Variants in ASIC2 observed in about 807,000 individuals in gnomAD.
ASIC2 encodes the protein acid-sensing ion channel 2.
Under a neutral mutation model 57.3 loss-of-function variants are expected in ASIC2, and 25 were observed. That is an observed-to-expected ratio of 0.44 (90% CI 0.32 to 0.61). The LOEUF is 0.61. Ranked by LOEUF, ASIC2 falls within the 20% of genes least tolerant of loss-of-function variation. ASIC2 has a pLI of 0.06. For synonymous variants in ASIC2, 319 were observed against 307.5 expected, an observed-to-expected ratio of 1.04 and a Z score of -0.39; for missense variants, 641 against 738.1, an observed-to-expected ratio of 0.87 and a Z score of 1.52.
chr17:33,789,392 C>T (rs189065563), intron 1 of ASIC2, among the ~76,000 whole-genome samples: 14 of 151,774 alleles, frequency 9.2e-5, no homozygotes, highest in Admixed American at 7.2e-4. Context: ...ATTCTCCCAA[C>T]AACAAACTAC....
intron 1 of ASIC2, among the ~76,000 whole-genome samples, chr17:34,021,290 C>A (rs535760765): frequency 6.6e-6 from 1 of 152,262 alleles, no homozygotes; most frequent in East Asian, 1.9e-4. Flanking sequence ...TCACTCCCTA[C>A]CACCATCACT....
At chr17:33,874,549 T>C (rs1914505298) in intron 1 of ASIC2, among the ~76,000 whole-genome samples, 1 of 152,270 alleles carries the variant, frequency 6.6e-6, no homozygotes, top group Admixed American at 6.5e-5. Flanking sequence ...GTTCTGATAA[T>C]GGCTTAACCT....
chr17:33,646,999 C>T (rs142529515), intron 1 of ASIC2, among the ~76,000 whole-genome samples: 6 of 152,098 alleles, frequency 3.9e-5, no homozygotes, highest in Admixed American at 1.3e-4. Flanking sequence ...GTAGGTGGGA[C>T]GCACAGGAAG....
At chr17:33,237,214 A>G (rs961077628) in intron 1 of ASIC2, among the ~76,000 whole-genome samples, 9 of 152,150 alleles carry the variant, frequency 5.9e-5, no homozygotes, top group African/African-American at 2.2e-4. Context: ...AAAAGTCCCA[A>G]GTGGATGTTA....
At chr17:33,619,999 T>C (rs1905733617) in intron 1 of ASIC2, among the ~76,000 whole-genome samples, 1 of 152,158 alleles carries the variant, frequency 6.6e-6, no homozygotes, top group Non-Finnish European at 1.5e-5. Context: ...TGTGACTTTA[T>C]TGCTGTAAAT....
In ASIC2 at chr17:33,876,345, G is replaced by A. The variant is rs114637205; in HGVS notation, c.555+279633C>T. 3.7e-3 allele frequency among the ~76,000 whole-genome samples: 568 copies of A among 152,306 alleles called. 4 individuals carry two copies. The highest frequency in any genetic ancestry group is 0.013 in the African/African-American group (541 of 41,558). On this transcript the variant is annotated intron_variant, in intron 1 of 9. Coordinates refer to the ASIC2 transcript ENST00000359872. ...GACTCTCCAGACCTTGTTACTGTGG[G>A]TGCCTAGGATACCTGGTCACTTGGT...
At chr17:33,047,277 A>T (rs2091959399) in intron 3 of ASIC2, among the ~76,000 whole-genome samples, 1 of 152,040 alleles carries the variant, frequency 6.6e-6, no homozygotes, top group Non-Finnish European at 1.5e-5. Flanking sequence ...AAATGCTGCA[A>T]TCCTTGGCAT....
intron 1 of ASIC2, among the ~76,000 whole-genome samples, chr17:34,122,331 G>A (rs1015718959): frequency 6.6e-6 from 1 of 152,164 alleles, no homozygotes; most frequent in African/African-American, 2.4e-5. Context: ...CGAGGGTCCA[G>A]CCCAGGCAGC....
At chr17:33,384,425 C>A (rs2089164) in intron 1 of ASIC2, among the ~76,000 whole-genome samples, 107,839 of 152,010 alleles carry the variant, frequency 0.71, 40,860 homozygotes, top group East Asian at 0.94. Context: ...TCTTTTTTTT[C>A]TGTGAACTGA....
At chr17:33,439,867 G>A (rs991068917) in intron 1 of ASIC2, among the ~76,000 whole-genome samples, 3 of 152,222 alleles carry the variant, frequency 2.0e-5, no homozygotes, top group Admixed American at 2.0e-4. Context: ...TGCCAGGCAA[G>A]GACAAGGCAG....
chr17:34,066,334 A>C (rs1311652238), intron 1 of ASIC2, among the ~76,000 whole-genome samples: 2 of 152,190 alleles, frequency 1.3e-5, no homozygotes, highest in East Asian at 3.8e-4. Context: ...CCTTAGGTAC[A>C]CATTAGAACC....
At chr17:33,547,752 C>T (rs1915625757) in intron 1 of ASIC2, among the ~76,000 whole-genome samples, 1 of 152,214 alleles carries the variant, frequency 6.6e-6, no homozygotes, top group Non-Finnish European at 1.5e-5. Context: ...GCCCATGCTA[C>T]ACCTGCATCT....
intron 1 of ASIC2, among the ~76,000 whole-genome samples, chr17:33,624,415 A>T (rs1182379349): frequency 1.3e-5 from 2 of 152,234 alleles, no homozygotes; most frequent in African/African-American, 2.4e-5. Context: ...CAGACTGAAC[A>T]GTAGTTGGGT....
chr17:33,096,508 T>G (rs2092180253), intron 2 of ASIC2, among the ~76,000 whole-genome samples: 2 of 152,376 alleles, frequency 1.3e-5, no homozygotes, highest in Admixed American at 1.3e-4. Flanking sequence ...TTCTGATTTA[T>G]GGCATCATTT....
At position 33,561,687 on chromosome 17, in the gene ASIC2, T is replaced by C. The variant is rs1916077452; in HGVS notation, c.556-449620A>G. Among the ~76,000 whole-genome samples, 4 of 152,114 alleles carry C rather than the reference T, an allele frequency of 2.6e-5. No individual in the cohort carries two copies. The South Asian group carries it at 8.3e-4, about 32-fold the overall frequency. ...GCGTGAGCTAGAACATATGCTGGTGTGAGTTTGGATGTGTGTATTGAAAGA... is the reference window on the plus strand; with the variant it reads ...GCGTGAGCTAGAACATATGCTGGTGCGAGTTTGGATGTGTGTATTGAAAGA... On this transcript the variant is annotated intron_variant, in intron 1 of 9. Coordinates refer to the ASIC2 transcript ENST00000359872.
intron 1 of ASIC2, among the ~76,000 whole-genome samples, chr17:33,122,004 G>A (rs941180705): frequency 1.3e-5 from 2 of 152,240 alleles, no homozygotes; most frequent in African/African-American, 4.8e-5. Context: ...CACATTTGTA[G>A]TGAGCCAAGG....
rs1456145280 is a variant in ASIC2 at position 33,659,908 on chromosome 17, A to G, written c.555+496070T>C. Among the ~76,000 whole-genome samples, 3 of 144,190 alleles carry G rather than the reference A, an allele frequency of 2.1e-5. No homozygotes were observed. The East Asian group carries it at 6.1e-4, about 29-fold the overall frequency. 94.6% of individuals were successfully genotyped at this position (144,190 alleles called of 152,430 possible). A position where few individuals can be genotyped will look rare whatever the true frequency, so the allele number is the denominator to read the frequency against. On this transcript the variant is annotated intron_variant, in intron 1 of 9. Transcript: ENST00000359872. ...TAAATAAATAAATAAATAAATAAAT[A>G]AATAAATAAAATAAAAATAAAAATA...
chr17:33,333,997 CT>C (rs1308429450), intron 1 of ASIC2, among the ~76,000 whole-genome samples: 1 of 152,186 alleles, frequency 6.6e-6, no homozygotes, highest in Non-Finnish European at 1.5e-5. Flanking sequence ...CAGCCTGGGG[CT>C]GCAAAATGGA....
intron 1 of ASIC2, among the ~76,000 whole-genome samples, chr17:33,242,653 T>C (rs915156502): frequency 2.6e-5 from 4 of 152,168 alleles, no homozygotes; most frequent in African/African-American, 9.7e-5. Context: ...TTCATGAGAG[T>C]AATCCCGAGA....
Sources: gnomAD v4.1 joint callset for allele counts (sites outside exome capture counted in the v4.1 genomes callset) on GRCh38, gnomAD v4.1.1 for gene constraint, MANE v1.5 for transcripts, NCBI Gene and HGNC (gene_info 2026-07-23, HGNC 2026-07-21) for gene names.